The following TJP2 variants were observed in gnomAD, a reference collection of about 807,000 sequenced individuals.
TJP2 encodes the protein tight junction protein 2.
Under a neutral mutation model 133.1 loss-of-function variants are expected in TJP2, and 91 were observed. The ratio of observed to expected loss-of-function variants is 0.68; its 90% CI spans 0.58 to 0.81. The LOEUF is 0.81. Among genes scored for constraint, TJP2 ranks in the 40% least tolerant of loss-of-function variants. The pLI is 0.00. For synonymous variants in TJP2, 592 were observed against 583.4 expected (o/e 1.01, Z -0.21); for missense variants, 1,541 against 1,565.6 (o/e 0.98, Z 0.26).
chr9:69,214,309 C>T (rs1198802632), intron 2 of TJP2, among the ~76,000 whole-genome samples: 1 of 152,078 alleles, frequency 6.6e-6, no homozygotes, highest in Non-Finnish European at 1.5e-5. Flanking sequence ...TGATCTCGAA[C>T]TCCTGGACTC....
intron 16 of TJP2, among the ~76,000 whole-genome samples, chr9:69,239,086 G>A (rs1830405493): frequency 6.6e-6 from 1 of 152,184 alleles, no homozygotes; most frequent in Admixed American, 6.5e-5. Flanking sequence ...CCACTCAGGA[G>A]GCTGAGGCAG....
chr9:69,199,826 A>G (rs978409639), intron 1 of TJP2, among the ~76,000 whole-genome samples: 2 of 152,198 alleles, frequency 1.3e-5, no homozygotes, highest in African/African-American at 4.8e-5. Context: ...GTCTGGAGTC[A>G]GGCAGCAGCT....
upstream of TJP2, chr9:69,174,143 T>G (rs991656331): frequency 3.2e-5 from 40 of 1,250,906 alleles, no homozygotes; most frequent in Middle Eastern, 3.1e-4. Context: ...AATTTGACAG[T>G]TTCCCGGGCC....
In TJP2 at chr9:69,255,172, A is replaced by G. The variant is rs924666429; in HGVS notation, c.*798A>G. On this transcript the variant is annotated 3_prime_UTR_variant, in exon 23 of 23. Coordinates refer to ENST00000377245, the MANE Select transcript of TJP2 (RefSeq NM_004817.4). The stretch of plus-strand genomic sequence containing the variant: ...CACATGTATTGACAACAGTTTTATA[A>G]TTTAATAAAAAGGAATACATTGCAA... The G allele has an allele frequency of 1.3e-5, 2 of 152,260 alleles. No individual in the cohort carries two copies. The highest frequency in any genetic ancestry group is 4.8e-5 in the African/African-American group (2 of 41,466). The allele number at this position is 152,260 out of a possible 1,614,324, so 9.4% of individuals were successfully genotyped here.
At chr9:69,231,006 GTA>G (rs563603977) in intron 11 of TJP2, among the ~76,000 whole-genome samples, 53 of 152,236 alleles carry the variant, frequency 3.5e-4, no homozygotes, top group Non-Finnish European at 5.4e-4. Flanking sequence ...TGACATTTGT[GTA>G]TGTGTGTGTG....
At chr9:69,249,736 C>G (rs1831194691) in intron 20 of TJP2, 1 of 985,098 alleles carries the variant, frequency 1.0e-6, no homozygotes, top group African/African-American at 1.7e-5. Context: ...TTAATTTACT[C>G]TTCTTGTTAA....
At chr9:69,137,296 T>C (rs1329332276) in intron 1 of TJP2, among the ~76,000 whole-genome samples, 2 of 40,846 alleles carry the variant, frequency 4.9e-5, no homozygotes, top group Non-Finnish European at 1.0e-4. Flanking sequence ...TCTTTCTTTC[T>C]TTCTTTTCTT....
chr9:69,224,780 C>T (rs958711492), intron 5 of TJP2, among the ~76,000 whole-genome samples: 4 of 152,036 alleles, frequency 2.6e-5, no homozygotes, highest in African/African-American at 9.7e-5. Flanking sequence ...TCTTTTTCCT[C>T]CTCCTTTTTT....
chr9:69,135,811 G>A lies in TJP2; in HGVS notation c.-131+14086G>A, dbSNP rs184027027. Among the ~76,000 whole-genome samples the A allele has an allele frequency of 3.4e-3, 523 of 152,196 alleles. 3 individuals carry two copies. The highest frequency in any genetic ancestry group is 0.011 in the African/African-American group (468 of 41,534). ...AGTAGAGATGGTGTTTCACCATGTT[G>A]GCCAGGCTGGGCTCAAACTCCTGGC... On this transcript the variant is annotated intron_variant, in intron 1 of 5. Transcript: ENST00000423935.
intron 2 of TJP2, among the ~76,000 whole-genome samples, chr9:69,214,913 T>A (rs1828244707): frequency 6.6e-6 from 1 of 151,548 alleles, no homozygotes; most frequent in Non-Finnish European, 1.5e-5. Context: ...TTTCACTGTA[T>A]GTTGAAATGA....
In TJP2 at chr9:69,198,678, T is replaced by C. The variant is rs201353690; in HGVS notation, c.61-13870T>C. ...TGTGTCCATTGTGAAGTGTGTGCTG[T>C]GAGCACATCGCATACACTAGATTTA... On this transcript the variant is annotated intron_variant, in intron 1 of 22. Coordinates refer to ENST00000377245, the MANE Select transcript of TJP2 (RefSeq NM_004817.4). 6.6e-5 allele frequency among the ~76,000 whole-genome samples: 10 copies of C among 152,340 alleles called. No individual in the cohort carries two copies. The East Asian group carries it at 1.9e-3, about 29-fold the overall frequency.
chr9:69,192,306 T>A (rs999660653), intron 1 of TJP2, among the ~76,000 whole-genome samples: 1 of 151,932 alleles, frequency 6.6e-6, no homozygotes, highest in East Asian at 1.9e-4. Context: ...AAAACTTTCA[T>A]GTTAAATTCT....
chr9:69,157,490 G>A (rs1307518748), intron 2 of TJP2, among the ~76,000 whole-genome samples: 8 of 145,826 alleles, frequency 5.5e-5, no homozygotes, highest in African/African-American at 2.0e-4. Context: ...TTTTGAGACA[G>A]AGTCTCACTC....
intron 5 of TJP2, among the ~76,000 whole-genome samples, chr9:69,223,910 A>C (rs1384427116): frequency 6.6e-6 from 1 of 152,216 alleles, no homozygotes; most frequent in African/African-American, 2.4e-5. Flanking sequence ...TGAATTGTGG[A>C]AAGTTACTTT....
chr9:69,142,808 G>C (rs991628635), intron 1 of TJP2, among the ~76,000 whole-genome samples: 1 of 152,112 alleles, frequency 6.6e-6, no homozygotes, highest in Non-Finnish European at 1.5e-5. Context: ...TGACTTAAAA[G>C]CTTTTTTTGG....
chr9:69,245,085 A>G (rs1472369310), intron 17 of TJP2, among the ~76,000 whole-genome samples: 3 of 152,302 alleles, frequency 2.0e-5, no homozygotes, highest in Admixed American at 1.3e-4. Flanking sequence ...TAGCTATGAG[A>G]TGAGCACAGT....
rs535933610 is a variant in TJP2, at chr9:69,152,740, G to C, written c.-10+969G>C. Among the ~76,000 whole-genome samples, 235 of 151,516 alleles carry C rather than the reference G, an allele frequency of 1.6e-3. 1 individual carries two copies. Among genetic ancestry groups the C allele is most frequent in the African/African-American group, 5.5e-3 (227 of 41,382 alleles). On this transcript the variant is annotated intron_variant, in intron 2 of 5. Transcript: ENST00000423935. Reference sequence around the variant, plus strand: ...GTTGTCCAAATGAGGACATTCAAGTGGGGGAAGTCCTCATTTTCCACTGAA... The same window carrying C: ...GTTGTCCAAATGAGGACATTCAAGTCGGGGAAGTCCTCATTTTCCACTGAA...
intron 17 of TJP2, among the ~76,000 whole-genome samples, chr9:69,242,521 T>C (rs927842124): frequency 7.9e-5 from 12 of 152,192 alleles, no homozygotes; most frequent in African/African-American, 2.4e-4. Context: ...ACTGTAAGCA[T>C]TGAGTTTCAT....
At chr9:69,241,747 C>G (rs1830589564) in intron 17 of TJP2, among the ~76,000 whole-genome samples, 1 of 152,086 alleles carries the variant, frequency 6.6e-6, no homozygotes, top group African/African-American at 2.4e-5. Flanking sequence ...TGTGTGCTGT[C>G]TTATTAGGCC....
Sources: allele counts gnomAD v4.1 joint callset (sites outside exome capture counted in the v4.1 genomes callset), GRCh38; gene constraint gnomAD v4.1.1; transcripts MANE v1.5; gene names NCBI Gene and HGNC (gene_info 2026-07-23, HGNC 2026-07-21).